ST8SIA1: variants seen among roughly 807,000 people sequenced by gnomAD.
ST8SIA1 encodes the protein ST8 alpha-N-acetyl-neuraminide alpha-2,8-sialyltransferase 1.
Under a neutral mutation model 35.9 loss-of-function variants are expected in ST8SIA1, and 16 were observed. That is an observed-to-expected ratio of 0.45 (90% CI 0.30 to 0.68). The LOEUF is 0.68. Among genes scored for constraint, ST8SIA1 ranks in the 30% least tolerant of loss-of-function variants. ST8SIA1 has a pLI of 0.09. For missense variants in ST8SIA1, 383 were observed against 453.6 expected, an observed-to-expected ratio of 0.84 and a Z score of 1.41; for synonymous variants, 170 against 169.6, an observed-to-expected ratio of 1.00 and a Z score of -0.02.
At chr12:22,204,909 G>C (rs894087156) in intron 4 of ST8SIA1, among the ~76,000 whole-genome samples, 4 of 152,084 alleles carry the variant, frequency 2.6e-5, no homozygotes, top group African/African-American at 9.7e-5. Flanking sequence ...AATTAAGCTG[G>C]AATTAGAAAA....
At chr12:22,295,299 C>T (rs976744948) in intron 1 of ST8SIA1, among the ~76,000 whole-genome samples, 6 of 152,102 alleles carry the variant, frequency 3.9e-5, no homozygotes, top group African/African-American at 1.4e-4. Flanking sequence ...TCTCTGTCTC[C>T]TCGTAGGGTC....
chr12:22,215,149 C>T (rs576603766), intron 4 of ST8SIA1, among the ~76,000 whole-genome samples: 1 of 152,242 alleles, frequency 6.6e-6, no homozygotes, highest in East Asian at 1.9e-4. Context: ...TTCCAAGTCT[C>T]CCCCAACTGA....
chr12:22,312,846 T>G (rs369144478), intron 1 of ST8SIA1, among the ~76,000 whole-genome samples: 2 of 152,260 alleles, frequency 1.3e-5, no homozygotes, highest in East Asian at 3.9e-4. Flanking sequence ...AATGCCGAAG[T>G]CTTCTAAAAG....
At chr12:22,298,873 G>C (rs1866281078) in intron 1 of ST8SIA1, among the ~76,000 whole-genome samples, 1 of 152,174 alleles carries the variant, frequency 6.6e-6, no homozygotes, top group Admixed American at 6.5e-5. Flanking sequence ...GAAAGCAACA[G>C]TTAAGGAGAA....
At chr12:22,240,652 T>A (rs1054216726) in intron 4 of ST8SIA1, among the ~76,000 whole-genome samples, 11 of 152,182 alleles carry the variant, frequency 7.2e-5, no homozygotes, top group African/African-American at 2.4e-4. Context: ...ATTGCTGTAA[T>A]CTTGGACCCA....
chr12:22,227,178 T>A (rs1213698598), intron 4 of ST8SIA1, among the ~76,000 whole-genome samples: 1 of 151,954 alleles, frequency 6.6e-6, no homozygotes, highest in African/African-American at 2.4e-5. Context: ...TCTCTTGACC[T>A]TATGATCCAC....
chr12:22,274,732 G>C lies in ST8SIA1; in HGVS notation c.381+12417C>G, dbSNP rs542286073. Reference sequence around the variant, plus strand: ...ATCCAGGACCTTTCCTTCTTCCATCGCTGTTGCCTGGATTGACCTAGGTTG... The same window carrying C: ...ATCCAGGACCTTTCCTTCTTCCATCCCTGTTGCCTGGATTGACCTAGGTTG... On this transcript the variant is annotated intron_variant, in intron 2 of 4. Transcript: ENST00000396037. Among the ~76,000 whole-genome samples, 6 of 152,256 alleles carry C rather than the reference G, an allele frequency of 3.9e-5. No homozygotes were observed. In the South Asian group the frequency reaches 1.2e-3, roughly 32 times the overall value.
intron 4 of ST8SIA1, among the ~76,000 whole-genome samples, chr12:22,237,624 T>C (rs915129401): frequency 1.3e-5 from 2 of 151,824 alleles, no homozygotes; most frequent in Non-Finnish European, 2.9e-5. Flanking sequence ...TATCTTTGTA[T>C]AGTATACCAT....
chr12:22,321,005 AGAAAGAAAGAAAGAAAGAAAGAAAGAAAG>A (rs1591857077), intron 1 of ST8SIA1, among the ~76,000 whole-genome samples: 15 of 58,130 alleles, frequency 2.6e-4, no homozygotes, highest in African/African-American at 8.8e-4. Context: ...GAAAGAAAGA[AGAAAGAAAGAAAGAAAGAAAGAAAGAAAG>A]AGAAAGAGAA....
intron 1 of ST8SIA1, among the ~76,000 whole-genome samples, chr12:22,304,883 T>G (rs1866365365): frequency 6.6e-6 from 1 of 152,214 alleles, no homozygotes; most frequent in Non-Finnish European, 1.5e-5. Flanking sequence ...TTGTATAATT[T>G]TGTGCTTGAC....
At chr12:22,275,206 C>T (rs775162218) in intron 2 of ST8SIA1, among the ~76,000 whole-genome samples, 13 of 151,954 alleles carry the variant, frequency 8.6e-5, no homozygotes, top group African/African-American at 2.2e-4. Flanking sequence ...GAAGACAAAA[C>T]GAAAAAACGA....
chr12:22,309,543 T>C (rs1446234234), intron 1 of ST8SIA1, among the ~76,000 whole-genome samples: 1 of 152,208 alleles, frequency 6.6e-6, no homozygotes, highest in Non-Finnish European at 1.5e-5. Context: ...TCTCCTTTCA[T>C]TAATATTCAT....
chr12:22,287,556 G>A (rs1866116572), intron 1 of ST8SIA1, among the ~76,000 whole-genome samples: 2 of 151,632 alleles, frequency 1.3e-5, no homozygotes, highest in Admixed American at 6.6e-5. Flanking sequence ...ATTCAGGTGA[G>A]ATATGTCAAA....
At chr12:22,239,043 T>C (rs1435976922) in intron 4 of ST8SIA1, among the ~76,000 whole-genome samples, 2 of 152,242 alleles carry the variant, frequency 1.3e-5, no homozygotes, top group Admixed American at 1.3e-4. Flanking sequence ...ACTCTTCCAC[T>C]GCTTCCTGAC....
intron 2 of ST8SIA1, among the ~76,000 whole-genome samples, chr12:22,284,774 T>C (rs758253354): frequency 6.6e-6 from 1 of 152,232 alleles, no homozygotes; most frequent in South Asian, 2.1e-4. Context: ...CAGAATTCAT[T>C]TGCACAGACT....
At chr12:22,295,608 C>A (rs562342371) in intron 1 of ST8SIA1, among the ~76,000 whole-genome samples, 1 of 151,934 alleles carries the variant, frequency 6.6e-6, no homozygotes, top group South Asian at 2.1e-4. Flanking sequence ...GCGATGCATG[C>A]CTGTGGTTCC....
intron 2 of ST8SIA1, among the ~76,000 whole-genome samples, chr12:22,259,062 C>T (rs1865757780): frequency 6.6e-6 from 1 of 152,144 alleles, no homozygotes; most frequent in South Asian, 2.1e-4. Context: ...TGGAAGTCCA[C>T]TCATCTTCCT....
At chr12:22,262,973 G>A (rs960515674) in intron 2 of ST8SIA1, among the ~76,000 whole-genome samples, 3 of 152,042 alleles carry the variant, frequency 2.0e-5, no homozygotes, top group African/African-American at 4.8e-5. Context: ...AATCCTTTTC[G>A]GATTCTTTTT....
intron 4 of ST8SIA1, among the ~76,000 whole-genome samples, chr12:22,208,235 A>C (rs1313988333): frequency 1.3e-5 from 2 of 152,114 alleles, no homozygotes; most frequent in African/African-American, 4.8e-5. Context: ...GAAGTCAACA[A>C]CATAAAAATA....
Sources: gnomAD v4.1 joint callset for allele counts (sites outside exome capture counted in the v4.1 genomes callset) on GRCh38, gnomAD v4.1.1 for gene constraint, MANE v1.5 for transcripts, NCBI Gene and HGNC (gene_info 2026-07-23, HGNC 2026-07-21) for gene names.